The following NRXN1 variants were observed in gnomAD, a reference collection of about 807,000 sequenced individuals.
NRXN1 encodes the protein neurexin-1.
Under a neutral mutation model 150.9 loss-of-function variants are expected in NRXN1, and 39 were observed. That is an observed-to-expected ratio of 0.26 (90% CI 0.20 to 0.34). The LOEUF (loss-of-function observed/expected upper bound fraction) is 0.34. Among genes scored for constraint, NRXN1 ranks in the 10% least tolerant of loss-of-function variants. NRXN1 has a pLI of 1.00. For missense variants in NRXN1, 1,815 were observed against 1,949.9 expected (o/e 0.93, Z 1.30); for synonymous variants, 924 against 757.0 (o/e 1.22, Z -3.62).
intron 5 of NRXN1, among the ~76,000 whole-genome samples, chr2:50,671,954 T>G (rs1688914832): frequency 6.6e-6 from 1 of 151,940 alleles, no homozygotes; most frequent in East Asian, 1.9e-4. Flanking sequence ...GTCATTACAT[T>G]TTATTTGATC....
intron 13 of NRXN1, 95 bp from the exon 14 acceptor site, chr2:50,497,809 A>G: frequency 8.5e-7 from 1 of 1,175,644 alleles, no homozygotes; most frequent in Non-Finnish European, 1.2e-6. Context: ...AAATACAAGG[A>G]GCCAAATCCC....
intron 5 of NRXN1, among the ~76,000 whole-genome samples, chr2:50,758,467 AAAACAAACAAAC>A (rs893748390): frequency 1.3e-5 from 2 of 151,846 alleles, no homozygotes; most frequent in African/African-American, 4.8e-5. Context: ...AAGCTATTTA[AAAACAAACAAAC>A]AAACAAACAA....
intron 17 of NRXN1, among the ~76,000 whole-genome samples, chr2:50,389,575 A>C (rs542056131): frequency 1.3e-5 from 2 of 152,034 alleles, no homozygotes; most frequent in African/African-American, 4.8e-5. Context: ...ATCTATGTCC[A>C]ATTAGTTTTT....
At chr2:50,956,171 G>T (rs1185218924) in intron 2 of NRXN1, among the ~76,000 whole-genome samples, 1 of 152,100 alleles carries the variant, frequency 6.6e-6, no homozygotes, top group East Asian at 1.9e-4. Flanking sequence ...GAGAGAGAGA[G>T]ATCACATTCA....
At chr2:50,363,639 G>T (rs1241916940) in intron 17 of NRXN1, among the ~76,000 whole-genome samples, 1 of 152,174 alleles carries the variant, frequency 6.6e-6, no homozygotes, top group African/African-American at 2.4e-5. Context: ...TTACACTGTT[G>T]GTGGGAGTAT....
At chr2:50,192,440 T>G (rs1466558714) in intron 18 of NRXN1, among the ~76,000 whole-genome samples, 1 of 152,180 alleles carries the variant, frequency 6.6e-6, no homozygotes, top group Non-Finnish European at 1.5e-5. Context: ...TGTAGCAATT[T>G]ATAATGATGA....
At chr2:50,706,721 T>C (rs1011428301) in intron 5 of NRXN1, among the ~76,000 whole-genome samples, 1 of 152,142 alleles carries the variant, frequency 6.6e-6, no homozygotes, top group Non-Finnish European at 1.5e-5. Context: ...TATTGTTAAA[T>C]GGGAATCTTA....
intron 2 of NRXN1, among the ~76,000 whole-genome samples, chr2:50,992,451 A>G (rs1370060789): frequency 2.0e-5 from 3 of 152,016 alleles, no homozygotes; most frequent in African/African-American, 7.2e-5. Flanking sequence ...CACAGTAGGC[A>G]TATAATAGAA....
rs2086571668 is a variant in NRXN1, at chr2:50,447,740, TATATATATATATATATA to T, written c.3364+17685_3364+17701del. ...TCACATAGTAAGCAGGGGAACGTTA[TATATATATATATATATA>T]TATATATATATATATATATATACCT... is the stretch of plus-strand genomic sequence containing the variant. On this transcript the variant is annotated intron_variant, in intron 17 of 22. Transcript: ENST00000401669. 1.4e-3 allele frequency among the ~76,000 whole-genome samples: 110 copies of T among 81,134 alleles called. 18 individuals are homozygous for T. The highest frequency in any genetic ancestry group is 6.3e-3 in the African/African-American group (106 of 16,910). The allele number at this position is 81,134 out of a possible 152,430, so 53.2% of individuals were successfully genotyped here.
intron 5 of NRXN1, among the ~76,000 whole-genome samples, chr2:50,810,346 T>C (rs936454950): frequency 2.3e-4 from 35 of 152,262 alleles, no homozygotes; most frequent in South Asian, 2.1e-4. Context: ...CTGAGAGGAA[T>C]AGAGAGAAGT....
At chr2:50,275,078 AC>A (rs1286552543) in intron 17 of NRXN1, among the ~76,000 whole-genome samples, 7 of 152,064 alleles carry the variant, frequency 4.6e-5, no homozygotes, top group African/African-American at 1.7e-4. Context: ...GAATATCATC[AC>A]TCCATTTGTT....
chr2:50,927,986 T>C (rs1687157643), intron 2 of NRXN1, among the ~76,000 whole-genome samples: 1 of 152,008 alleles, frequency 6.6e-6, no homozygotes, highest in African/African-American at 2.4e-5. Flanking sequence ...TCAAGGTCAC[T>C]GATTCAGTCC....
chr2:50,255,252 C>T (rs2067585000), intron 17 of NRXN1, among the ~76,000 whole-genome samples: 1 of 152,058 alleles, frequency 6.6e-6, no homozygotes, highest in Non-Finnish European at 1.5e-5. Flanking sequence ...CCATGAAGTT[C>T]TTTGGCCAAT....
At chr2:50,626,515 G>T (rs773321250) in intron 5 of NRXN1, among the ~76,000 whole-genome samples, 14 of 151,952 alleles carry the variant, frequency 9.2e-5, no homozygotes, top group African/African-American at 1.7e-4. Flanking sequence ...TTTCAGATAA[G>T]TGTGCAAAAG....
intron 8 of NRXN1, among the ~76,000 whole-genome samples, chr2:50,587,667 TA>T (rs1400981304): frequency 6.6e-6 from 1 of 152,204 alleles, no homozygotes; most frequent in Non-Finnish European, 1.5e-5. Flanking sequence ...ATTAAAATTG[TA>T]AATATATGAA....
intron 18 of NRXN1, among the ~76,000 whole-genome samples, chr2:50,151,559 C>G (rs1381655210): frequency 6.6e-6 from 1 of 151,062 alleles, no homozygotes; most frequent in African/African-American, 2.4e-5. Context: ...GGGAAAGAAA[C>G]AATTGTAAAC....
At chr2:50,957,225 T>C (rs1692417598) in intron 2 of NRXN1, among the ~76,000 whole-genome samples, 1 of 152,128 alleles carries the variant, frequency 6.6e-6, no homozygotes, top group Non-Finnish European at 1.5e-5. Flanking sequence ...GACATCAAGA[T>C]AAACCTGGTT....
intron 17 of NRXN1, among the ~76,000 whole-genome samples, chr2:50,308,876 ATTTATCCTAGTC>A (rs1007646044): frequency 6.6e-6 from 1 of 152,150 alleles, no homozygotes; most frequent in African/African-American, 2.4e-5. Context: ...AAATGGGTTA[ATTTATCCTAGTC>A]TTGTGTTCCT....
intron 17 of NRXN1, among the ~76,000 whole-genome samples, chr2:50,286,559 C>A (rs1261594578): frequency 6.6e-6 from 1 of 152,058 alleles, no homozygotes; most frequent in East Asian, 1.9e-4. Flanking sequence ...TTATGTAAAG[C>A]AGTTAACTAG....
Sources: gnomAD v4.1 joint callset for allele counts (sites outside exome capture counted in the v4.1 genomes callset) on GRCh38, gnomAD v4.1.1 for gene constraint, MANE v1.5 for transcripts, NCBI Gene and HGNC (gene_info 2026-07-23, HGNC 2026-07-21) for gene names.